Variants in TRPC4AP observed in about 807,000 individuals in gnomAD.
TRPC4AP encodes transient receptor potential cation channel subfamily C member 4 associated protein.
Under a neutral mutation model 99.0 loss-of-function variants are expected in TRPC4AP, and 45 were observed. That is an observed-to-expected ratio of 0.45 (90% CI 0.36 to 0.58). The LOEUF (loss-of-function observed/expected upper bound fraction) is 0.58. Among genes scored for constraint, TRPC4AP ranks in the 20% least tolerant of loss-of-function variants. The probability of loss-of-function intolerance (pLI) is 0.00; values close to 1 mark genes in which losing one functional copy is unlikely to be tolerated. For synonymous variants in TRPC4AP, 408 were observed against 385.8 expected, an observed-to-expected ratio of 1.06 and a Z score of -0.67; for missense variants, 879 against 985.3, an observed-to-expected ratio of 0.89 and a Z score of 1.44.
At chr20:35,090,566 G>T (rs1421540033) in intron 1 of TRPC4AP, among the ~76,000 whole-genome samples, 1 of 151,944 alleles carries the variant, frequency 6.6e-6, no homozygotes, top group Non-Finnish European at 1.5e-5. Flanking sequence ...TAGAGACGGG[G>T]CTTCGCCATG....
At position 35,092,800 on chromosome 20, in the gene TRPC4AP, C is replaced by A; in HGVS notation, c.-19G>T. 1 of 1,509,998 alleles carries A rather than the reference C, an allele frequency of 6.6e-7. No homozygotes were observed. The highest frequency in any genetic ancestry group is 8.8e-7 in the Non-Finnish European group (1 of 1,140,942). 93.5% of individuals were successfully genotyped at this position (1,509,998 alleles called of 1,614,324 possible). ...CCGCCATGTCTCCTCGTCGGACAAA[C>A]AGGAAGCAAGCGGCCTCGGGGCCGC... is the stretch of plus-strand genomic sequence containing the variant. On this transcript the variant is annotated 5_prime_UTR_variant, in exon 1 of 19. Transcript: ENST00000252015.
At chr20:35,064,216 C>T (rs1042948912) in intron 3 of TRPC4AP, among the ~76,000 whole-genome samples, 13 of 152,136 alleles carry the variant, frequency 8.5e-5, no homozygotes, top group Non-Finnish European at 1.6e-4. Context: ...GGAGCTACCC[C>T]AGAACAAAAA....
At chr20:35,050,750 A>C (rs1672064851) in intron 5 of TRPC4AP, among the ~76,000 whole-genome samples, 1 of 152,040 alleles carries the variant, frequency 6.6e-6, no homozygotes. Context: ...ACAACAACAA[A>C]AAAACAAAAC....
chr20:35,008,318 T>C (rs778627815), intron 13 of TRPC4AP, among the ~76,000 whole-genome samples: 2 of 152,158 alleles, frequency 1.3e-5, no homozygotes, highest in African/African-American at 2.4e-5. Context: ...TTTGCTGCTA[T>C]AGCTCCTGGG....
chr20:35,059,238 T>G (rs926133111), intron 3 of TRPC4AP, among the ~76,000 whole-genome samples: 19 of 152,166 alleles, frequency 1.2e-4, no homozygotes, highest in Non-Finnish European at 2.1e-4. Flanking sequence ...GAGAGGGCAT[T>G]ACCACCAACC....
chr20:35,016,797 T>C (rs201082619), intron 9 of TRPC4AP, among the ~76,000 whole-genome samples: 4 of 152,214 alleles, frequency 2.6e-5, no homozygotes, highest in Non-Finnish European at 5.9e-5. Flanking sequence ...AGAACATACA[T>C]TGGCAATTCA....
At position 35,002,945 on chromosome 20, in the gene TRPC4AP, G is replaced by A; in HGVS notation, c.*201C>T. ...GCATGGTACCCTGTCCTCATTATGG[G>A]GACTGAGGCTCTCCATGACCTAGGG... On this transcript the variant is annotated 3_prime_UTR_variant, in exon 19 of 19. Transcript: ENST00000252015. The A allele has an allele frequency of 4.7e-6, 3 of 644,856 alleles. No individual in the cohort carries two copies. The highest frequency in any genetic ancestry group is 6.1e-5 in the Admixed American group (2 of 32,916). 39.9% of individuals were successfully genotyped at this position (644,856 alleles called of 1,614,324 possible). A position where few individuals can be genotyped will look rare whatever the true frequency, so the allele number is the denominator to read the frequency against.
chr20:35,059,421 C>A (rs544641295), intron 3 of TRPC4AP, among the ~76,000 whole-genome samples: 1 of 152,244 alleles, frequency 6.6e-6, no homozygotes, highest in South Asian at 2.1e-4. Context: ...AGACTCTGGG[C>A]GGCTGAGGTG....
intron 8 of TRPC4AP, among the ~76,000 whole-genome samples, chr20:35,033,053 CG>C (rs2083237957): frequency 6.6e-6 from 1 of 151,972 alleles, no homozygotes; most frequent in Admixed American, 6.5e-5. Context: ...AAAAATTAGC[CG>C]GGTGTGGTGG....
At chr20:35,011,250 C>G (rs2082629342) in intron 11 of TRPC4AP, among the ~76,000 whole-genome samples, 1 of 152,022 alleles carries the variant, frequency 6.6e-6, no homozygotes, top group African/African-American at 2.4e-5. Flanking sequence ...GAGCAAGATT[C>G]CGTCTTGAAA....
chr20:35,007,619 C>T lies in TRPC4AP; in HGVS notation c.1617G>A (p.Val539=), dbSNP rs754584084. The T allele has an allele frequency of 3.1e-6, 5 of 1,614,244 alleles. No individual in the cohort carries two copies. Among genetic ancestry groups the T allele is most frequent in the Non-Finnish European group, 4.2e-6 (5 of 1,180,040 alleles). The change falls in exon 14 of 19, where the codon GTG becomes GTA. Residue 539 remains valine, a synonymous_variant. Coordinates refer to ENST00000252015, the MANE Select transcript of TRPC4AP (RefSeq NM_015638.3). ...SSFRFWQARA[V]ESFLRGTTSY... ...AGGTGGTCCCTCGGAGGAAACTCTC[C>T]ACAGCCCGAGCTTGCCAAAACCTGC...
intron 5 of TRPC4AP, among the ~76,000 whole-genome samples, chr20:35,054,408 C>T (rs762893838): frequency 6.6e-6 from 1 of 152,280 alleles, no homozygotes; most frequent in South Asian, 2.1e-4. Flanking sequence ...GTTAATACAA[C>T]TGCTAACTGC....
At chr20:35,085,273 T>A (rs1357250127) in intron 1 of TRPC4AP, among the ~76,000 whole-genome samples, 1 of 152,188 alleles carries the variant, frequency 6.6e-6, no homozygotes, top group Non-Finnish European at 1.5e-5. Context: ...AAGCAATTTC[T>A]TTACTATTTA....
Position 35,003,129 on chromosome 20 carries a change from C to T in TRPC4AP, c.*17G>A, listed in dbSNP as rs749517265. 4.5e-5 allele frequency: 73 copies of T among 1,613,590 alleles called. No individual in the cohort carries two copies. The highest frequency in any genetic ancestry group is 9.9e-5 in the South Asian group (9 of 91,054). ...CACCCACACTGGCCCAGCAGCCTCC[C>T]GAGGCCTGGCCCAAGGTCACTCCTC... is the stretch of plus-strand genomic sequence containing the variant. On this transcript the variant is annotated 3_prime_UTR_variant, in exon 19 of 19. Coordinates refer to ENST00000252015, the MANE Select transcript of TRPC4AP (RefSeq NM_015638.3).
At chr20:35,020,117 T>C (rs1362370508) in intron 9 of TRPC4AP, among the ~76,000 whole-genome samples, 1 of 152,086 alleles carries the variant, frequency 6.6e-6, no homozygotes, top group East Asian at 1.9e-4. Context: ...GCAAATCCTA[T>C]CTTTCAAAAC....
At chr20:35,050,719 A>AAC (rs1025809028) in intron 5 of TRPC4AP, among the ~76,000 whole-genome samples, 6 of 151,918 alleles carry the variant, frequency 3.9e-5, no homozygotes, top group Non-Finnish European at 8.8e-5. Context: ...ACTCAAAAAA[A>AAC]AAAACAAAAC....
At chr20:35,076,736 G>A (rs1202653398) in intron 2 of TRPC4AP, among the ~76,000 whole-genome samples, 1 of 152,200 alleles carries the variant, frequency 6.6e-6, no homozygotes, top group Non-Finnish European at 1.5e-5. Flanking sequence ...GAGGCAGTCT[G>A]TCTGTTCTCA....
At chr20:35,079,594 G>C in intron 1 of TRPC4AP, among the ~76,000 whole-genome samples, 1 of 152,074 alleles carries the variant, frequency 6.6e-6, no homozygotes, top group East Asian at 1.9e-4. Flanking sequence ...CCAAAAGTTA[G>C]TTCTTTAAAA....
chr20:35,018,521 G>C (rs765369442), intron 9 of TRPC4AP, among the ~76,000 whole-genome samples: 1 of 151,096 alleles, frequency 6.6e-6, no homozygotes, highest in Non-Finnish European at 1.5e-5. Flanking sequence ...GCTTGAGCTG[G>C]GGAGGCAGAG....
Sources: allele counts gnomAD v4.1 joint callset (sites outside exome capture counted in the v4.1 genomes callset), GRCh38; gene constraint gnomAD v4.1.1; transcripts MANE v1.5; gene names NCBI Gene and HGNC (gene_info 2026-07-23, HGNC 2026-07-21).